FBLN7: variants seen among roughly 807,000 people sequenced by gnomAD.
FBLN7 encodes the protein fibulin 7, also known as fibulin-7.
A neutral mutation model predicts 44.0 loss-of-function variants in FBLN7; 31 were observed. The observed-to-expected ratio is 0.70, with a 90% CI of 0.53 to 0.95. The LOEUF (loss-of-function observed/expected upper bound fraction) is 0.95, where lower values mean the gene tolerates loss of function less well. Among genes scored for constraint, FBLN7 ranks in the 40% least tolerant of loss-of-function variants. The probability of loss-of-function intolerance (pLI) is 0.00; values close to 1 mark genes in which losing one functional copy is unlikely to be tolerated. For missense variants in FBLN7, 573 were observed against 618.5 expected (o/e 0.93, Z 0.78); for synonymous variants, 262 against 253.4 (o/e 1.03, Z -0.32).
At chr2:112,197,304 G>GAC in the FBLN7 span, among the ~76,000 whole-genome samples, 2 of 147,230 alleles carry the variant, frequency 1.4e-5, no homozygotes, top group South Asian at 2.1e-4. Flanking sequence ...GAGAGAGAGA[G>GAC]AGACAGAGAG....
chr2:112,227,449 C>T, the FBLN7 span, among the ~76,000 whole-genome samples: 27 of 152,300 alleles, frequency 1.8e-4, no homozygotes, highest in East Asian at 4.4e-3. Context: ...CACCTGAACC[C>T]GCAAGGCCGC....
chr2:112,209,046 A>AT, the FBLN7 span, among the ~76,000 whole-genome samples: 1 of 152,098 alleles, frequency 6.6e-6, no homozygotes, highest in Non-Finnish European at 1.5e-5. Context: ...TGTCCCTTAA[A>AT]TTTTTCAGTG....
chr2:112,194,922 A>C, the FBLN7 span, among the ~76,000 whole-genome samples: 3 of 152,242 alleles, frequency 2.0e-5, no homozygotes. Flanking sequence ...ACAATGGTAG[A>C]AACAGAGTGA....
At chr2:112,227,625 C>T in the FBLN7 span, among the ~76,000 whole-genome samples, 40 of 152,230 alleles carry the variant, frequency 2.6e-4, 1 homozygote, top group East Asian at 3.9e-4. Flanking sequence ...TAAATGAATT[C>T]GAAGTCTTGG....
chr2:112,169,813 G>A (rs1234573061), intron 3 of FBLN7, among the ~76,000 whole-genome samples: 1 of 152,158 alleles, frequency 6.6e-6, no homozygotes, highest in Non-Finnish European at 1.5e-5. Context: ...AAGGGACAGA[G>A]TAAACAGCAC....
chr2:112,200,042 AACAG>A, the FBLN7 span, among the ~76,000 whole-genome samples: 2 of 152,230 alleles, frequency 1.3e-5, no homozygotes, highest in Admixed American at 6.5e-5. Flanking sequence ...AGCAACAGAA[AACAG>A]ACAAAGACAC....
At chr2:112,238,674 T>C in the FBLN7 span, 1 of 511,414 alleles carries the variant, frequency 2.0e-6, no homozygotes, top group Non-Finnish European at 3.2e-6. Context: ...TTCTCTCCAC[T>C]CATATATTTG....
the FBLN7 span, among the ~76,000 whole-genome samples, chr2:112,238,902 G>C: frequency 3.3e-5 from 5 of 152,166 alleles, no homozygotes; most frequent in African/African-American, 1.2e-4. Flanking sequence ...TTCTGCCTTT[G>C]CATTGACAGT....
At chr2:112,179,169 C>G (rs887779477) in intron 4 of FBLN7, among the ~76,000 whole-genome samples, 1 of 152,164 alleles carries the variant, frequency 6.6e-6, no homozygotes, top group African/African-American at 2.4e-5. Flanking sequence ...GTAGAAAAAT[C>G]ACTAGCATTC....
the FBLN7 span, among the ~76,000 whole-genome samples, chr2:112,203,033 A>C: frequency 4.6e-5 from 7 of 152,208 alleles, no homozygotes; most frequent in Non-Finnish European, 7.3e-5. Context: ...CTGAGCAAAA[A>C]ACAAAAACAA....
Position 112,187,094 on chromosome 2 carries a change from C to A in FBLN7, c.948-40C>A, listed in dbSNP as rs1470688920. On this transcript the variant is annotated intron_variant, in intron 7 of 7. Coordinates refer to ENST00000331203, the MANE Select transcript of FBLN7 (RefSeq NM_153214.3). The surrounding 1 kb of genome is among the most constrained non-coding windows in gnomAD (Gnocchi z 5.1). ...GGTCAGAGCAGCTCTTCATGAGACT[C>A]CCCAAGGCTGACTGCCTCCATTTTG... 1 of 1,601,042 alleles carries A rather than the reference C, an allele frequency of 6.2e-7. No individual in the cohort carries two copies. The highest frequency in any genetic ancestry group is 1.7e-5 in the Admixed American group (1 of 59,446).
At chr2:112,206,275 G>C in the FBLN7 span, among the ~76,000 whole-genome samples, 1 of 152,032 alleles carries the variant, frequency 6.6e-6, no homozygotes, top group Non-Finnish European at 1.5e-5. Context: ...CTCCTTATCA[G>C]TTTGCCTAAA....
the FBLN7 span, among the ~76,000 whole-genome samples, chr2:112,224,105 T>C: frequency 9.2e-5 from 14 of 152,166 alleles, no homozygotes; most frequent in Admixed American, 1.3e-4. Flanking sequence ...ATAATGCCAC[T>C]GCACTCCAGC....
At chr2:112,223,453 T>C in the FBLN7 span, among the ~76,000 whole-genome samples, 1 of 152,186 alleles carries the variant, frequency 6.6e-6, no homozygotes, top group Non-Finnish European at 1.5e-5. Context: ...GAAAGCTTTT[T>C]TTAGCATCTA....
chr2:112,212,334 C>T, the FBLN7 span: 3 of 152,186 alleles, frequency 2.0e-5, no homozygotes, highest in Admixed American at 1.3e-4. Context: ...TTTTGGGGGT[C>T]GAATACATTC....
intron 1 of FBLN7, 87 bp downstream of exon 1, chr2:112,138,817 C>CGTCCCTCCCGCCTCTCTCCCCG: frequency 9.5e-7 from 1 of 1,057,414 alleles, no homozygotes. Flanking sequence ...TCCAGGCCAG[C>CGTCCCTCCCGCCTCTCTCCCCG]GTCCCTCCCG....
intron 1 of FBLN7, among the ~76,000 whole-genome samples, chr2:112,156,763 A>G (rs1293700914): frequency 6.6e-6 from 1 of 152,210 alleles, no homozygotes; most frequent in Non-Finnish European, 1.5e-5. Flanking sequence ...AGCCCCCGGG[A>G]TTAACGAATT....
chr2:112,200,728 G>A, the FBLN7 span, among the ~76,000 whole-genome samples: 4 of 151,998 alleles, frequency 2.6e-5, no homozygotes, highest in South Asian at 8.3e-4. Context: ...GTGGGGTTTC[G>A]TCATGTTGGC....
At chr2:112,157,658 TCTGTC>T (rs1681500954) in intron 1 of FBLN7, among the ~76,000 whole-genome samples, 1 of 152,338 alleles carries the variant, frequency 6.6e-6, no homozygotes, top group East Asian at 1.9e-4. Context: ...AGGGTCTCAC[TCTGTC>T]ACCAAAGCTG....
Sources: allele counts gnomAD v4.1 joint callset (sites outside exome capture counted in the v4.1 genomes callset), GRCh38; gene constraint gnomAD v4.1.1; non-coding constraint Gnocchi (gnomAD v3.1); transcripts MANE v1.5; gene names NCBI Gene and HGNC (gene_info 2026-07-23, HGNC 2026-07-21).